MAX: variants seen among roughly 807,000 people sequenced by gnomAD.
The protein encoded by MAX is MYC associated transcriptional regulator X.
Under a neutral mutation model 22.3 loss-of-function variants are expected in MAX, and 3 were observed. The observed-to-expected ratio is 0.13, with a 90% CI of 0.06 to 0.35. The LOEUF is 0.35. Ranked by LOEUF, MAX falls within the 10% of genes least tolerant of loss-of-function variation. The probability of loss-of-function intolerance (pLI) is 1.00; values close to 1 mark genes in which losing one functional copy is unlikely to be tolerated. For synonymous variants in MAX, 72 were observed against 77.7 expected (o/e 0.93, Z 0.39); for missense variants, 119 against 209.4 (o/e 0.57, Z 2.66).
chr14:65,036,315 C>T (rs1188931855), intron 3 of MAX, among the ~76,000 whole-genome samples: 8 of 152,238 alleles, frequency 5.3e-5, no homozygotes, highest in African/African-American at 1.7e-4. Flanking sequence ...TGGCTCACTG[C>T]AGCCTTGACC....
In MAX at chr14:65,012,233, C is replaced by T; in HGVS notation, c.172-5949G>A. On this transcript the variant is annotated intron_variant, in intron 3 of 3. Transcript: ENST00000341653. The surrounding 1 kb of genome is among the most constrained non-coding windows in gnomAD (Gnocchi z 5.0). Reference sequence around the variant, plus strand: ...GGGACGTCCTGAAGCTGAGTGTTTACCCGTGTGTGTGTACGTGCACATACG... The same window carrying T: ...GGGACGTCCTGAAGCTGAGTGTTTATCCGTGTGTGTGTACGTGCACATACG... 2 of 1,551,950 alleles carry T rather than the reference C, an allele frequency of 1.3e-6. No individual in the cohort carries two copies. The highest frequency in any genetic ancestry group is 3.4e-5 in the Admixed American group (2 of 59,222).
At chr14:65,008,007 C>T (rs150810036) in intron 3 of MAX, among the ~76,000 whole-genome samples, 35 of 152,270 alleles carry the variant, frequency 2.3e-4, no homozygotes, top group African/African-American at 7.5e-4. Context: ...GCTTAGCTCC[C>T]GTGTTTTCTA....
intron 3 of MAX, among the ~76,000 whole-genome samples, chr14:65,026,418 G>T (rs911470264): frequency 3.9e-5 from 6 of 152,170 alleles, no homozygotes; most frequent in Admixed American, 1.3e-4. Flanking sequence ...TTGAATTAAC[G>T]TGGAGAATTC....
In MAX at chr14:65,102,483, A is replaced by T; in HGVS notation, c.-144T>A. 6.7e-7 allele frequency: 1 copy of T among 1,502,444 alleles called. No individual in the cohort carries two copies. Among genetic ancestry groups the T allele is most frequent in the Non-Finnish European group, 8.9e-7 (1 of 1,126,880 alleles). 93.1% of individuals were successfully genotyped at this position (1,502,444 alleles called of 1,614,324 possible). ...CACTCACTCGCTCTCTCACTCACAC[A>T]CACACACAACACGGGCAAGAACCAC... On this transcript the variant is annotated 5_prime_UTR_variant, in exon 1 of 5. Transcript: ENST00000358664.
rs2063261472 is a variant in MAX at position 65,084,009 on chromosome 14, G to C, written c.172-5973C>G. On this transcript the variant is annotated intron_variant, in intron 3 of 4. Transcript: ENST00000358664. This position sits in a 1 kb window ranked among gnomAD's most constrained non-coding sequence, Gnocchi z 4.3. Reference sequence around the variant, plus strand: ...GCAAAGGAGGCTGGAAGGTTGTAAGGCCAGAGTCAGCACAGACCCATGGCT... The same window carrying C: ...GCAAAGGAGGCTGGAAGGTTGTAAGCCCAGAGTCAGCACAGACCCATGGCT... 2 of 1,519,062 alleles carry C rather than the reference G, an allele frequency of 1.3e-6. No individual in the cohort carries two copies. The highest frequency in any genetic ancestry group is 2.8e-5 in the African/African-American group (2 of 71,928). The allele number at this position is 1,519,062 out of a possible 1,614,324, so 94.1% of individuals were successfully genotyped here.
In MAX at chr14:65,100,601, T is replaced by C. The variant is rs375310931; in HGVS notation, c.63+945A>G. Among the ~76,000 whole-genome samples the C allele has an allele frequency of 3.3e-3, 501 of 152,362 alleles. 3 individuals carry two copies. The highest frequency in any genetic ancestry group is 0.01 in the Middle Eastern group (3 of 294). ...CAAGCCCTCACCTCTTCCTTCTTTATTCTTTATGGCCCTCATGGGCATTTG... is the reference window on the plus strand; with the variant it reads ...CAAGCCCTCACCTCTTCCTTCTTTACTCTTTATGGCCCTCATGGGCATTTG... On this transcript the variant is annotated intron_variant, in intron 2 of 4. Coordinates refer to ENST00000358664, the MANE Select transcript of MAX (RefSeq NM_002382.5).
At position 65,076,384 on chromosome 14, in the gene MAX, C is replaced by T. The variant is rs45604339; in HGVS notation, c.*92G>A. On this transcript the variant is annotated 3_prime_UTR_variant, in exon 5 of 5. Coordinates refer to ENST00000358664, the MANE Select transcript of MAX (RefSeq NM_002382.5). This position sits in a 1 kb window ranked among gnomAD's most constrained non-coding sequence, Gnocchi z 6.6. ...GGAGAAAGAGAAAAATAAAGAGTCTCTTAAATGGTTCTGAGGGCTCTACCA... is the reference window on the plus strand; with the variant it reads ...GGAGAAAGAGAAAAATAAAGAGTCTTTTAAATGGTTCTGAGGGCTCTACCA... 511,125 of 1,603,140 alleles carry T rather than the reference C, an allele frequency of 0.32. 84,926 individuals are homozygous for T. The highest frequency in any genetic ancestry group is 0.34 in the Non-Finnish European group (404,397 of 1,174,396).
chr14:65,076,736 T>A lies in MAX; in HGVS notation c.296-73A>T. ...GAGTAACCGAGTCTCAGACTCAGGG[T>A]CCAGCCTGTTCTTCCTAAGGGCTTG... is the stretch of plus-strand genomic sequence containing the variant. On this transcript the variant is annotated intron_variant, in intron 4 of 4. Coordinates refer to ENST00000358664, the MANE Select transcript of MAX (RefSeq NM_002382.5). The surrounding 1 kb of genome is among the most constrained non-coding windows in gnomAD (Gnocchi z 6.6). 6.3e-7 allele frequency: 1 copy of A among 1,575,944 alleles called. No homozygotes were observed. The highest frequency in any genetic ancestry group is 1.7e-4 in the Middle Eastern group (1 of 5,984).
Position 65,094,886 on chromosome 14 carries a change from C to T in MAX, c.64-1071G>A, listed in dbSNP as rs578173890. 4.6e-5 allele frequency among the ~76,000 whole-genome samples: 7 copies of T among 152,322 alleles called. No individual in the cohort carries two copies. In the East Asian group the frequency reaches 9.6e-4, roughly 21 times the overall value. On this transcript the variant is annotated intron_variant, in intron 2 of 4. Transcript: ENST00000358664. Reference sequence around the variant, plus strand: ...CTGAACATTCACCTTGAATGCACAACGTTGCACTGAGCTAATCTAGAGAGC... The same window carrying T: ...CTGAACATTCACCTTGAATGCACAATGTTGCACTGAGCTAATCTAGAGAGC...
intron 3 of MAX, among the ~76,000 whole-genome samples, chr14:65,026,628 G>A (rs922893028): frequency 9.9e-5 from 15 of 152,150 alleles, no homozygotes; most frequent in Non-Finnish European, 8.8e-5. Flanking sequence ...CAGAGGCTGC[G>A]GCGGGTGGAT....
chr14:65,081,960 A>G (rs749939319), intron 3 of MAX: 8 of 152,356 alleles, frequency 5.3e-5, no homozygotes, highest in Non-Finnish European at 1.0e-4. Flanking sequence ...CTCCAAAGCC[A>G]TGGCTGCACA....
At chr14:65,022,820 C>T (rs1053298143) in intron 3 of MAX, among the ~76,000 whole-genome samples, 3 of 152,158 alleles carry the variant, frequency 2.0e-5, no homozygotes, top group Non-Finnish European at 4.4e-5. Context: ...CTTCACAACT[C>T]GTGGACCCTT....
chr14:65,006,971 G>A (rs559592371), intron 3 of MAX, among the ~76,000 whole-genome samples: 42 of 152,122 alleles, frequency 2.8e-4, no homozygotes, highest in Non-Finnish European at 5.6e-4. Context: ...TCCTGGGCTC[G>A]GATCCTTGTG....
rs567020340 is a variant in MAX, at chr14:65,024,176, A to G, written c.172-17892T>C. 9.4e-4 allele frequency among the ~76,000 whole-genome samples: 143 copies of G among 152,144 alleles called. 1 individual carries two copies. Among genetic ancestry groups the G allele is most frequent in the Non-Finnish European group, 1.7e-3 (113 of 67,994 alleles). ...TTAGAGCTGCAGTTTAGCAAGATCCACAGGTAATTTCTATGCAACTCAAGT... is the reference window on the plus strand; with the variant it reads ...TTAGAGCTGCAGTTTAGCAAGATCCGCAGGTAATTTCTATGCAACTCAAGT... On this transcript the variant is annotated intron_variant, in intron 3 of 3. Coordinates refer to the MAX transcript ENST00000341653.
chr14:65,102,625 C>G, upstream of MAX: 9 of 1,236,650 alleles, frequency 7.3e-6, no homozygotes, highest in South Asian at 1.1e-4. Flanking sequence ...CTCTAACAGA[C>G]GGCCCGGGTA....
Position 65,078,139 on chromosome 14 carries a change from G to C in MAX, c.172-103C>G. The C allele has an allele frequency of 8.0e-7, 1 of 1,250,446 alleles. No homozygotes were observed. The highest frequency in any genetic ancestry group is 1.2e-6 in the Non-Finnish European group (1 of 855,994). The allele number at this position is 1,250,446 out of a possible 1,614,324, so 77.5% of individuals were successfully genotyped here. On this transcript the variant is annotated intron_variant, in intron 3 of 4. Coordinates refer to ENST00000358664, the MANE Select transcript of MAX (RefSeq NM_002382.5). This position sits in a 1 kb window ranked among gnomAD's most constrained non-coding sequence, Gnocchi z 6.4. ...ACTGCTTGGGTGGCTGGAAACGAGA[G>C]GGTAAGGTGGGAAAAGGCTGAAGAA...
chr14:65,053,358 T>A, intron 3 of MAX: 1 of 1,414,996 alleles, frequency 7.1e-7, no homozygotes, highest in Non-Finnish European at 9.3e-7. Context: ...AAGTGAGTGT[T>A]TTCTCTCTGG....
At chr14:65,099,755 G>A (rs1028954248) in intron 2 of MAX, among the ~76,000 whole-genome samples, 2 of 151,792 alleles carry the variant, frequency 1.3e-5, no homozygotes, top group Non-Finnish European at 2.9e-5. Context: ...AAAAGTAAAT[G>A]TGAAAAAGGA....
rs1246859241 is a variant in MAX, at chr14:65,093,228, A to G, written c.171+480T>C. 3.3e-5 allele frequency among the ~76,000 whole-genome samples: 5 copies of G among 152,152 alleles called. No homozygotes were observed. Among genetic ancestry groups the G allele is most frequent in the Non-Finnish European group, 7.3e-5 (5 of 68,038 alleles). ...TTTATACGCCTTGGAAATAACAATT[A>G]TTGGGGCTGGAAAATCAATGGTGCC... is the stretch of plus-strand genomic sequence containing the variant. On this transcript the variant is annotated intron_variant, in intron 3 of 4. Transcript: ENST00000358664. The surrounding 1 kb of genome is among the most constrained non-coding windows in gnomAD (Gnocchi z 4.4).
Sources: allele counts gnomAD v4.1 joint callset (sites outside exome capture counted in the v4.1 genomes callset), GRCh38; gene constraint gnomAD v4.1.1; non-coding constraint Gnocchi (gnomAD v3.1); transcripts MANE v1.5; gene names NCBI Gene and HGNC (gene_info 2026-07-23, HGNC 2026-07-21).